Variants in MORC2 observed in about 807,000 individuals in gnomAD.
MORC2 encodes ATPase MORC2.
In MORC2, 30 loss-of-function variants were observed where a neutral mutation model predicts 136.0. That is an observed-to-expected ratio of 0.22 (90% CI 0.17 to 0.30). MORC2 has a LOEUF of 0.30. MORC2 is among the 10% of genes least tolerant of loss of function. The pLI is 1.00. For missense variants in MORC2, 922 were observed against 1,333.1 expected (o/e 0.69, Z 4.80); for synonymous variants, 439 against 487.0 (o/e 0.90, Z 1.30).
In MORC2 at chr22:30,968,350, T is replaced by G. The variant is rs1296812402; in HGVS notation, c.-461A>C. On this transcript the variant is annotated 5_prime_UTR_variant, in exon 1 of 26. Coordinates refer to ENST00000397641, the MANE Select transcript of MORC2 (RefSeq NM_001303256.3). ...TTACCCACTTCTGTCAGAAAACTGA[T>G]CAGCCATGTCTTCGCCACACGTGAT... The G allele has an allele frequency of 6.3e-6, 1 of 157,638 alleles. No individual in the cohort carries two copies. Among genetic ancestry groups the G allele is most frequent in the African/African-American group, 2.4e-5 (1 of 41,460 alleles). 9.8% of individuals were successfully genotyped at this position (157,638 alleles called of 1,614,324 possible).
intron 2 of MORC2, among the ~76,000 whole-genome samples, chr22:30,957,195 T>C (rs2040979568): frequency 6.6e-6 from 1 of 152,238 alleles, no homozygotes; most frequent in Non-Finnish European, 1.5e-5. Flanking sequence ...CTTTTTCTTC[T>C]CGTCAATATT....
rs1360682657 is a variant in MORC2 at position 30,934,839 on chromosome 22, G to T, written c.2135C>A (p.Pro712His). 1.2e-6 allele frequency: 2 copies of T among 1,614,058 alleles called. No homozygotes were observed. Among genetic ancestry groups the T allele is most frequent in the African/African-American group, 2.7e-5 (2 of 74,908 alleles). ...CACCACTGGAGTCTTGATGACTTTG[G>T]GAGAAGGAACCTCCCGAGGGCTCTT... ...NSKSPREVPS[P>H]KVIKTPVVKK... The change falls in exon 19 of 26, where the codon CCC becomes CAC. Residue 712 changes from proline (P) to histidine (H), a missense_variant. This residue lies in a region of MORC2 where 184 missense variants were observed against 180.3 expected (regional missense o/e 1.02). Coordinates refer to ENST00000397641, the MANE Select transcript of MORC2 (RefSeq NM_001303256.3). The surrounding 1 kb of genome is among the most constrained non-coding windows in gnomAD (Gnocchi z 4.4).
At chr22:30,945,777 G>C (rs1326354400) in intron 6 of MORC2, among the ~76,000 whole-genome samples, 2 of 152,184 alleles carry the variant, frequency 1.3e-5, no homozygotes, top group African/African-American at 4.8e-5. Flanking sequence ...CTGTGTAGCA[G>C]CCACTCCCAA....
intron 9 of MORC2, 31 bp from the exon 10 acceptor site, chr22:30,940,868 C>CA: frequency 6.3e-7 from 1 of 1,594,286 alleles, no homozygotes; most frequent in Non-Finnish European, 8.6e-7. Flanking sequence ...GCTGATGGCC[C>CA]ACGCAGCAGT....
chr22:30,938,731 G>A (rs1420654776), intron 12 of MORC2, among the ~76,000 whole-genome samples: 5 of 152,038 alleles, frequency 3.3e-5, no homozygotes, highest in South Asian at 2.1e-4. Flanking sequence ...CACCATGCCC[G>A]GCTAATTTTT....
intron 3 of MORC2, among the ~76,000 whole-genome samples, chr22:30,955,526 C>T (rs945213326): frequency 6.6e-6 from 1 of 152,154 alleles, no homozygotes; most frequent in Non-Finnish European, 1.5e-5. Context: ...CTGAGAATTA[C>T]TACTTAGTTG....
At chr22:30,950,526 T>G (rs2040872914) in intron 3 of MORC2, 81 bp from the exon 4 acceptor site, 1 of 1,392,276 alleles carries the variant, frequency 7.2e-7, no homozygotes, top group Non-Finnish European at 1.0e-6. Flanking sequence ...GGCAGATCAA[T>G]GTGAAGCTTG....
intron 3 of MORC2, among the ~76,000 whole-genome samples, chr22:30,952,194 A>G (rs1357881633): frequency 6.6e-6 from 1 of 152,226 alleles, no homozygotes; most frequent in Admixed American, 6.5e-5. Flanking sequence ...GCCAAGTGTC[A>G]TAAGGAGACT....
chr22:30,932,312 G>C lies in MORC2; in HGVS notation c.2841+47C>G, dbSNP rs2040587295. On this transcript the variant is annotated intron_variant, in intron 24 of 25. Coordinates refer to ENST00000397641, the MANE Select transcript of MORC2 (RefSeq NM_001303256.3). The surrounding 1 kb of genome is among the most constrained non-coding windows in gnomAD (Gnocchi z 4.4). ...ACAGTTACAACAAATGCAGGGGCAG[G>C]GGTGGGGGAATGAAGAGTGTGGAAT... The C allele has an allele frequency of 6.9e-7, 1 of 1,440,918 alleles. No homozygotes were observed. Among genetic ancestry groups the C allele is most frequent in the African/African-American group, 1.4e-5 (1 of 70,994 alleles). 89.3% of individuals were successfully genotyped at this position (1,440,918 alleles called of 1,614,324 possible).
rs778108790 is a variant in MORC2 at position 30,937,071 on chromosome 22, A to T, written c.1499-34T>A. 6.8e-7 allele frequency: 1 copy of T among 1,460,228 alleles called. No homozygotes were observed. The highest frequency in any genetic ancestry group is 1.7e-5 in the Admixed American group (1 of 58,998). The allele number at this position is 1,460,228 out of a possible 1,614,324, so 90.5% of individuals were successfully genotyped here. ...AGCAAAAAAACCCCACATATCAGCC[A>T]CGCCCACCAACTCTATCTGTAATCC... On this transcript the variant is annotated intron_variant, in intron 15 of 25. Coordinates refer to ENST00000397641, the MANE Select transcript of MORC2 (RefSeq NM_001303256.3). This position sits in a 1 kb window ranked among gnomAD's most constrained non-coding sequence, Gnocchi z 4.7.
In MORC2 at chr22:30,936,542, C is replaced by T. The variant is rs149057277; in HGVS notation, c.1706G>A (p.Arg569His). ...EKQKQLTEKIRQQQEKLEALQ... is the reference protein window; with the variant it reads ...EKQKQLTEKIHQQQEKLEALQ... ...GGCCTCCAGCTTCTCCTGCTGCTGG[C>T]GAATTTTCTCTGTCAGTTGTTTCTG... is the stretch of plus-strand genomic sequence containing the variant. Residue 569 changes from arginine to histidine, a missense_variant, in exon 17 of 26, where the codon CGC becomes CAC. Around this residue, in one of 9 missense-constraint regions of MORC2, gnomAD observed 119 missense variants for 202.7 expected, o/e 0.59. Transcript: ENST00000397641. 2.5e-6 allele frequency: 4 copies of T among 1,614,158 alleles called. No homozygotes were observed. Among genetic ancestry groups the T allele is most frequent in the East Asian group, 2.2e-5 (1 of 44,884 alleles).
Position 30,967,848 on chromosome 22 carries a change from T to C in MORC2, c.42A>G (p.Leu14=), listed in dbSNP as rs1012030018. 6.4e-7 allele frequency: 1 copy of C among 1,551,218 alleles called. No individual in the cohort carries two copies. Among genetic ancestry groups the C allele is most frequent in the South Asian group, 1.2e-5 (1 of 84,060 alleles). The change falls in exon 1 of 26, where the codon CTA becomes CTG. Residue 14 remains leucine, a synonymous_variant. Coordinates refer to ENST00000397641, the MANE Select transcript of MORC2 (RefSeq NM_001303256.3). ...AATTTGTGTGCAGATATTCAAAGGT[T>C]AGCTGAGCTCGATTCAGACTGCTGT... ...TNYSSLNRAQ[L]TFEYLHTNST...
chr22:30,934,868 G>A lies in MORC2; in HGVS notation c.2106C>T (p.Asn702=). 1 of 1,614,178 alleles carries A rather than the reference G, an allele frequency of 6.2e-7. No individual in the cohort carries two copies. The highest frequency in any genetic ancestry group is 1.1e-5 in the South Asian group (1 of 91,082). The change falls in exon 19 of 26, where the codon AAC becomes AAT. Residue 702 remains asparagine, a synonymous_variant. Coordinates refer to ENST00000397641, the MANE Select transcript of MORC2 (RefSeq NM_001303256.3). The surrounding 1 kb of genome is among the most constrained non-coding windows in gnomAD (Gnocchi z 4.4). ...AAGGAACCTCCCGAGGGCTCTTGGA[G>A]TTGGGCAGTAAAGATGGTGACAGTT... is the stretch of plus-strand genomic sequence containing the variant. ...VQQLSPSLLP[N]SKSPREVPSP...
intron 5 of MORC2, among the ~76,000 whole-genome samples, chr22:30,949,251 T>A (rs1366156743): frequency 6.6e-6 from 1 of 152,154 alleles, no homozygotes; most frequent in Non-Finnish European, 1.5e-5. Flanking sequence ...ATTAGGTAGG[T>A]CCCTGCTATA....
At chr22:30,962,011 C>T (rs1195589117) in intron 1 of MORC2, among the ~76,000 whole-genome samples, 1 of 151,948 alleles carries the variant, frequency 6.6e-6, no homozygotes, top group East Asian at 1.9e-4. Flanking sequence ...GCCTGGCCAA[C>T]ATGTTGAAAC....
At chr22:30,962,024 T>C (rs556414634) in intron 1 of MORC2, among the ~76,000 whole-genome samples, 2 of 152,032 alleles carry the variant, frequency 1.3e-5, no homozygotes, top group South Asian at 4.2e-4. Flanking sequence ...GTTGAAACCC[T>C]GACTCTACTA....
At chr22:30,966,267 C>G (rs1423848091) in intron 1 of MORC2, among the ~76,000 whole-genome samples, 1 of 152,168 alleles carries the variant, frequency 6.6e-6, no homozygotes, top group Non-Finnish European at 1.5e-5. Context: ...TTCCAAAATT[C>G]AGAGCTGAGA....
intron 1 of MORC2, chr22:30,967,065 C>G: frequency 1.0e-6 from 1 of 979,078 alleles, no homozygotes; most frequent in Non-Finnish European, 1.2e-6. Flanking sequence ...AGAACACTTA[C>G]CTTCATCTCA....
At chr22:30,943,995 T>C (rs2040777924) in intron 6 of MORC2, among the ~76,000 whole-genome samples, 1 of 152,210 alleles carries the variant, frequency 6.6e-6, no homozygotes, top group Non-Finnish European at 1.5e-5. Flanking sequence ...CTTGACCACA[T>C]GATCTGCCCG....
Sources: allele counts gnomAD v4.1 joint callset (sites outside exome capture counted in the v4.1 genomes callset), GRCh38; gene constraint gnomAD v4.1.1; regional missense constraint gnomAD v4.1.1; non-coding constraint Gnocchi (gnomAD v3.1); transcripts MANE v1.5; gene names NCBI Gene and HGNC (gene_info 2026-07-23, HGNC 2026-07-21).